ARNT2: variants seen among roughly 807,000 people sequenced by gnomAD.
ARNT2 encodes aryl hydrocarbon receptor nuclear translocator 2.
Under a neutral mutation model 91.7 loss-of-function variants are expected in ARNT2, and 36 were observed. That is an observed-to-expected ratio of 0.39 (90% CI 0.30 to 0.52). The LOEUF is 0.52. ARNT2 is among the 20% of genes least tolerant of loss of function. The pLI, the probability that ARNT2 is intolerant of heterozygous loss-of-function variation, is 0.72. For synonymous variants in ARNT2, 365 were observed against 347.1 expected, an observed-to-expected ratio of 1.05 and a Z score of -0.57; for missense variants, 775 against 939.3, an observed-to-expected ratio of 0.83 and a Z score of 2.29.
intron 5 of ARNT2, among the ~76,000 whole-genome samples, chr15:80,483,434 C>G (rs1419018069): frequency 1.3e-5 from 2 of 152,210 alleles, no homozygotes; most frequent in African/African-American, 4.8e-5. Context: ...CTCAGGCGAC[C>G]AGGCCTTGGT....
chr15:80,589,464 A>T (rs1427764937), intron 17 of ARNT2, among the ~76,000 whole-genome samples: 2 of 152,258 alleles, frequency 1.3e-5, no homozygotes, highest in Admixed American at 1.3e-4. Context: ...GGAAACCATC[A>T]TTGCAGCAGC....
At chr15:80,583,352 C>T (rs935990285) in intron 17 of ARNT2, among the ~76,000 whole-genome samples, 8 of 152,202 alleles carry the variant, frequency 5.3e-5, no homozygotes, top group Non-Finnish European at 1.2e-4. Flanking sequence ...CCATCCAGTG[C>T]CTTTAGCTCC....
rs748628250 is a variant in ARNT2 at position 80,575,043 on chromosome 15, G to A, written c.1446G>A (p.Lys482=). The part of the protein sequence containing the change: ...GVHEAGKSVE[K]ADAIFSQERD... ...ATGAGGCCGGGAAGTCCGTGGAAAA[G>A]GCGGATGCAATCTTCTCCCAGGAAA... Residue 482 remains lysine (K), a synonymous_variant, in exon 14 of 19, where the codon AAG becomes AAA. Coordinates refer to ENST00000303329, the MANE Select transcript of ARNT2 (RefSeq NM_014862.4). 1.1e-5 allele frequency: 18 copies of A among 1,614,096 alleles called. No homozygotes were observed. In the East Asian group the frequency reaches 2.9e-4, roughly 26 times the overall value.
chr15:80,519,119 G>A (rs563921252), intron 8 of ARNT2, among the ~76,000 whole-genome samples: 9 of 152,242 alleles, frequency 5.9e-5, no homozygotes, highest in African/African-American at 2.2e-4. Flanking sequence ...ATGTATGTGC[G>A]AGGCATTGTT....
intron 6 of ARNT2, among the ~76,000 whole-genome samples, chr15:80,510,564 C>T (rs1323449151): frequency 2.6e-5 from 4 of 152,156 alleles, no homozygotes; most frequent in Non-Finnish European, 4.4e-5. Flanking sequence ...GGTGAGGTGG[C>T]TCATGCCTGT....
At chr15:80,441,493 A>C in intron 1 of ARNT2, 1 of 667,454 alleles carries the variant, frequency 1.5e-6, no homozygotes, top group Non-Finnish European at 1.9e-6. Flanking sequence ...CCTCCCAGCC[A>C]TGGAAAGAGC....
chr15:80,513,483 A>C (rs942337956), intron 6 of ARNT2, among the ~76,000 whole-genome samples: 2 of 152,146 alleles, frequency 1.3e-5, no homozygotes, highest in African/African-American at 4.8e-5. Context: ...CTGTTCATTA[A>C]CTGGCAACAT....
chr15:80,489,952 G>A (rs1897030313), intron 5 of ARNT2, among the ~76,000 whole-genome samples: 1 of 152,190 alleles, frequency 6.6e-6, no homozygotes, highest in South Asian at 2.1e-4. Flanking sequence ...TGTGAGGATG[G>A]TGCCCAAGAC....
intron 3 of ARNT2, among the ~76,000 whole-genome samples, chr15:80,461,528 T>A (rs1030396807): frequency 6.6e-6 from 1 of 152,000 alleles, no homozygotes; most frequent in African/African-American, 2.4e-5. Context: ...TGTGGTCAAA[T>A]AGTGAGAAGC....
intron 6 of ARNT2, among the ~76,000 whole-genome samples, chr15:80,510,080 T>C (rs1458494472): frequency 2.0e-5 from 3 of 152,186 alleles, no homozygotes; most frequent in African/African-American, 4.8e-5. Flanking sequence ...AAGGAGGTTA[T>C]TGCAATGATT....
intron 17 of ARNT2, among the ~76,000 whole-genome samples, chr15:80,584,220 C>T (rs1400050787): frequency 6.6e-6 from 1 of 152,110 alleles, no homozygotes; most frequent in African/African-American, 2.4e-5. Context: ...GGAAGGCTCC[C>T]AGTGCAGGCA....
intron 1 of ARNT2, among the ~76,000 whole-genome samples, chr15:80,411,196 A>T (rs1053032614): frequency 6.6e-6 from 1 of 152,232 alleles, no homozygotes; most frequent in Non-Finnish European, 1.5e-5. Context: ...CCAGGGCCCC[A>T]TAAAGCTGTA....
chr15:80,592,335 C>T (rs1322292410), intron 18 of ARNT2, among the ~76,000 whole-genome samples: 1 of 152,222 alleles, frequency 6.6e-6, no homozygotes, highest in Non-Finnish European at 1.5e-5. Flanking sequence ...TTCCTTGGCT[C>T]AACTTTCAGC....
At chr15:80,508,098 T>G in intron 5 of ARNT2, 58 bp from the exon 6 acceptor site, 1 of 1,558,102 alleles carries the variant, frequency 6.4e-7, no homozygotes, top group Middle Eastern at 1.7e-4. Flanking sequence ...CCGAACTCCC[T>G]CCTCCATCTC....
At chr15:80,588,386 C>G (rs1339885879) in intron 17 of ARNT2, among the ~76,000 whole-genome samples, 1 of 152,100 alleles carries the variant, frequency 6.6e-6, no homozygotes, top group East Asian at 1.9e-4. Flanking sequence ...TCCCTCTCCT[C>G]TTGTCTACCC....
chr15:80,423,259 G>A (rs1023952612), intron 1 of ARNT2, among the ~76,000 whole-genome samples: 3 of 152,142 alleles, frequency 2.0e-5, no homozygotes, highest in African/African-American at 7.2e-5. Flanking sequence ...TACCATCAGC[G>A]GGTCAACGTC....
At chr15:80,574,795 CT>C (rs1266791628) in intron 13 of ARNT2, among the ~76,000 whole-genome samples, 191 bp from the exon 14 acceptor site, 1 of 152,204 alleles carries the variant, frequency 6.6e-6, no homozygotes, top group East Asian at 1.9e-4. Flanking sequence ...TCACCGCCCC[CT>C]AACCCCCTCA....
At chr15:80,455,200 C>T (rs546001029) in intron 2 of ARNT2, among the ~76,000 whole-genome samples, 1 of 152,274 alleles carries the variant, frequency 6.6e-6, no homozygotes, top group Admixed American at 6.5e-5. Flanking sequence ...TCCTTTGTGT[C>T]CTCCAGGGTT....
chr15:80,462,499 C>A (rs1471071932), intron 3 of ARNT2, among the ~76,000 whole-genome samples: 1 of 152,208 alleles, frequency 6.6e-6, no homozygotes, highest in East Asian at 1.9e-4. Context: ...AACTTTAATT[C>A]TTGCCACTGT....
Sources: gnomAD v4.1 joint callset for allele counts (sites outside exome capture counted in the v4.1 genomes callset) on GRCh38, gnomAD v4.1.1 for gene constraint, MANE v1.5 for transcripts, NCBI Gene and HGNC (gene_info 2026-07-23, HGNC 2026-07-21) for gene names.